NXPE3: variants seen among roughly 807,000 people sequenced by gnomAD.
NXPE3 encodes neurexophilin and PC-esterase domain family member 3.
A neutral mutation model predicts 46.1 loss-of-function variants in NXPE3; 26 were observed. The ratio of observed to expected loss-of-function variants is 0.56; its 90% CI spans 0.41 to 0.78. The LOEUF is 0.78. NXPE3 is among the 30% of genes least tolerant of loss of function. The pLI is 0.00. For synonymous variants in NXPE3, 272 were observed against 257.9 expected, an observed-to-expected ratio of 1.05 and a Z score of -0.52; for missense variants, 620 against 686.0, an observed-to-expected ratio of 0.90 and a Z score of 1.07.
At position 101,827,983 on chromosome 3, in the gene NXPE3, G is replaced by A. The variant is rs912138708; in HGVS notation, c.*6029G>A. ...CGCTATAAAGGGCGCCAGTGAGAGG[G>A]GCTGGCCTCCTCTTGCCACGAGGTC... On this transcript the variant is annotated 3_prime_UTR_variant, in exon 8 of 8. Transcript: ENST00000273347. The A allele has an allele frequency of 5.3e-5, 8 of 152,212 alleles. No individual in the cohort carries two copies. Among genetic ancestry groups the A allele is most frequent in the Non-Finnish European group, 1.2e-4 (8 of 68,054 alleles). The allele number at this position is 152,212 out of a possible 1,614,324, so 9.4% of individuals were successfully genotyped here.
chr3:101,821,899 T>C lies in NXPE3; in HGVS notation c.1625T>C (p.Ile542Thr). 1.2e-6 allele frequency: 2 copies of C among 1,614,164 alleles called. No homozygotes were observed. Among genetic ancestry groups the C allele is most frequent in the South Asian group, 1.1e-5 (1 of 91,084 alleles). Residue 542 changes from isoleucine (I) to threonine (T), a missense_variant, in exon 8 of 8, where the codon ATT becomes ACT. This residue lies in a region of NXPE3 where 34 missense variants were observed against 36.2 expected (regional missense o/e 0.94). Coordinates refer to ENST00000273347, the MANE Select transcript of NXPE3 (RefSeq NM_145037.4). ...CACAAGCTGCATCCAGATGAAGTTA[T>C]TGTGAAGAACCAGCTGGACATGTTC... ...LPHKLHPDEV[I>T]VKNQLDMFLS... is the part of the protein sequence containing the mutation.
At chr3:101,811,436 C>T (rs1463325355) in intron 6 of NXPE3, among the ~76,000 whole-genome samples, 1 of 152,242 alleles carries the variant, frequency 6.6e-6, no homozygotes. Context: ...TCACAATAAC[C>T]CTTCAAAATA....
chr3:101,781,822 T>C (rs920945663), intron 1 of NXPE3: 2 of 152,200 alleles, frequency 1.3e-5, no homozygotes, highest in African/African-American at 4.8e-5. Flanking sequence ...CATTTGGAGC[T>C]TTTATCTTTG....
intron 4 of NXPE3, among the ~76,000 whole-genome samples, chr3:101,787,825 T>C (rs1940280824): frequency 6.6e-6 from 1 of 152,256 alleles, no homozygotes. Context: ...TCCATTCATC[T>C]GACATTTGGG....
chr3:101,813,164 C>G (rs1030796398), intron 6 of NXPE3, among the ~76,000 whole-genome samples: 4 of 152,252 alleles, frequency 2.6e-5, no homozygotes, highest in African/African-American at 9.6e-5. Flanking sequence ...GACCTTATCC[C>G]AAGCTTCCTA....
intron 6 of NXPE3, among the ~76,000 whole-genome samples, chr3:101,808,202 A>G (rs1214049493): frequency 3.9e-5 from 6 of 152,214 alleles, no homozygotes; most frequent in African/African-American, 1.4e-4. Context: ...GTAAAAGAAC[A>G]AAATTCAGAG....
chr3:101,790,966 AT>A, intron 4 of NXPE3, among the ~76,000 whole-genome samples: 1 of 151,890 alleles, frequency 6.6e-6, no homozygotes, highest in Non-Finnish European at 1.5e-5. Flanking sequence ...TAAAACTTTC[AT>A]TTTAGGTTTG....
chr3:101,817,822 C>T (rs1942036794), intron 7 of NXPE3, among the ~76,000 whole-genome samples: 1 of 152,016 alleles, frequency 6.6e-6, no homozygotes, highest in African/African-American at 2.4e-5. Flanking sequence ...TAAAGTAAAG[C>T]CTGATGGTTT....
At chr3:101,783,274 G>C (rs1939938470) in intron 3 of NXPE3, among the ~76,000 whole-genome samples, 1 of 151,754 alleles carries the variant, frequency 6.6e-6, no homozygotes, top group Admixed American at 6.6e-5. Context: ...TGTTAGCCAG[G>C]ATGGTCCCGA....
intron 4 of NXPE3, 48 bp downstream of exon 4, chr3:101,785,737 G>C: frequency 6.7e-7 from 1 of 1,489,602 alleles, no homozygotes; most frequent in Non-Finnish European, 9.4e-7. Flanking sequence ...CGAGTCTGGG[G>C]ATCTGGGGCT....
chr3:101,818,718 TATATATATATATA>T (rs1560067121), intron 7 of NXPE3, among the ~76,000 whole-genome samples: 22 of 12,106 alleles, frequency 1.8e-3, no homozygotes, highest in African/African-American at 6.4e-3. Context: ...TGACAATTTA[TATATATATATATA>T]TATATATATA....
At chr3:101,786,260 C>G (rs545104232) in intron 4 of NXPE3, among the ~76,000 whole-genome samples, 9 of 152,250 alleles carry the variant, frequency 5.9e-5, no homozygotes, top group African/African-American at 2.2e-4. Flanking sequence ...CTCATATAAC[C>G]AAAATTTATG....
intron 7 of NXPE3, among the ~76,000 whole-genome samples, chr3:101,819,040 TG>T (rs1942128115): frequency 6.6e-6 from 1 of 151,964 alleles, no homozygotes; most frequent in Non-Finnish European, 1.5e-5. Flanking sequence ...GCTGGGATTA[TG>T]GGCATGAGCC....
At chr3:101,799,665 C>T (rs536133419) in intron 4 of NXPE3, among the ~76,000 whole-genome samples, 6 of 152,206 alleles carry the variant, frequency 3.9e-5, no homozygotes, top group Non-Finnish European at 7.4e-5. Context: ...ACCTTGTGAT[C>T]CATCTGCCTC....
At chr3:101,791,491 T>C (rs1940515309) in intron 4 of NXPE3, among the ~76,000 whole-genome samples, 1 of 152,214 alleles carries the variant, frequency 6.6e-6, no homozygotes, top group South Asian at 2.1e-4. Flanking sequence ...GTTCAAGTTA[T>C]TCTCCTGCCT....
Position 101,783,088 on chromosome 3 carries a change from G to A in NXPE3, c.-196+308G>A, listed in dbSNP as rs112886991. On this transcript the variant is annotated intron_variant, in intron 3 of 7. Coordinates refer to ENST00000273347, the MANE Select transcript of NXPE3 (RefSeq NM_145037.4). ...TCTTTTCTTTTTTTTTTGAGACGGA[G>A]TCTCGCTCTGTCACCCAGGCTGGAG... Among the ~76,000 whole-genome samples, 474 of 152,048 alleles carry A rather than the reference G, an allele frequency of 3.1e-3. 2 individuals are homozygous for A. The highest frequency in any genetic ancestry group is 0.011 in the African/African-American group (441 of 41,492).
At chr3:101,787,531 C>T (rs1436278174) in intron 4 of NXPE3, among the ~76,000 whole-genome samples, 1 of 152,216 alleles carries the variant, frequency 6.6e-6, no homozygotes, top group Non-Finnish European at 1.5e-5. Context: ...GTCTTGAACT[C>T]CTGACCTCAA....
In NXPE3 at chr3:101,795,386, C is replaced by T. The variant is rs769962494; in HGVS notation, c.94-5849C>T. Among the ~76,000 whole-genome samples the T allele has an allele frequency of 3.9e-5, 6 of 151,910 alleles. No individual in the cohort carries two copies. The East Asian group carries it at 5.8e-4, about 15-fold the overall frequency. On this transcript the variant is annotated intron_variant, in intron 4 of 7. Coordinates refer to ENST00000273347, the MANE Select transcript of NXPE3 (RefSeq NM_145037.4). ...AATACAAAAAAGCTGGGCGTGGTAG[C>T]GGGTGCCTATAATCCTAGCTACTCG...
At chr3:101,787,204 C>T (rs1940239803) in intron 4 of NXPE3, among the ~76,000 whole-genome samples, 1 of 151,978 alleles carries the variant, frequency 6.6e-6, no homozygotes, top group African/African-American at 2.4e-5. Context: ...TCCTGCCTAT[C>T]CCCTGCCCCT....
Sources: allele counts gnomAD v4.1 joint callset (sites outside exome capture counted in the v4.1 genomes callset), GRCh38; gene constraint gnomAD v4.1.1; regional missense constraint gnomAD v4.1.1; transcripts MANE v1.5; gene names NCBI Gene and HGNC (gene_info 2026-07-23, HGNC 2026-07-21).